EFHD1: variants seen among roughly 807,000 people sequenced by gnomAD.
EFHD1 encodes the protein EF-hand domain-containing protein D1.
A neutral mutation model predicts 17.2 loss-of-function variants in EFHD1; 10 were observed. That is an observed-to-expected ratio of 0.58 (90% CI 0.36 to 0.99). EFHD1 has a LOEUF of 0.99. Ranked by LOEUF, EFHD1 falls within the 50% of genes least tolerant of loss-of-function variation. The pLI, the probability that EFHD1 is intolerant of heterozygous loss-of-function variation, is 0.01. For missense variants in EFHD1, 310 were observed against 327.5 expected (o/e 0.95, Z 0.41); for synonymous variants, 153 against 142.0 (o/e 1.08, Z -0.55).
chr2:232,656,023 G>A (rs1466808299), intron 1 of EFHD1, among the ~76,000 whole-genome samples: 4 of 151,910 alleles, frequency 2.6e-5, no homozygotes, highest in Non-Finnish European at 5.9e-5. Flanking sequence ...AGCCAGGATG[G>A]TCTTGATCTC....
At chr2:232,635,851 G>T (rs556459302) in intron 1 of EFHD1, among the ~76,000 whole-genome samples, 1 of 151,978 alleles carries the variant, frequency 6.6e-6, no homozygotes, top group Non-Finnish European at 1.5e-5. Flanking sequence ...GGGGAAGGCA[G>T]TGTGTGGCCT....
upstream of EFHD1, among the ~76,000 whole-genome samples, chr2:232,631,457 TTTTA>T (rs1164490782): frequency 6.6e-6 from 1 of 151,420 alleles, no homozygotes; most frequent in African/African-American, 2.4e-5. Flanking sequence ...GCTAGTTGTT[TTTTA>T]TTTTATTTTT....
At chr2:232,641,081 C>T (rs1301550223) in intron 1 of EFHD1, among the ~76,000 whole-genome samples, 1 of 152,180 alleles carries the variant, frequency 6.6e-6, no homozygotes, top group Non-Finnish European at 1.5e-5. Context: ...CTCTCTCTGT[C>T]ACCCAGGCTG....
intron 1 of EFHD1, 109 bp from the exon 2 acceptor site, chr2:232,662,693 G>A (rs1288727613): frequency 1.4e-6 from 2 of 1,458,764 alleles, no homozygotes; most frequent in East Asian, 2.6e-5. Context: ...GCCTCGCAGA[G>A]CGGGAGGTAT....
chr2:232,640,128 A>G (rs1004642975), intron 1 of EFHD1, among the ~76,000 whole-genome samples: 1 of 152,222 alleles, frequency 6.6e-6, no homozygotes, highest in Admixed American at 6.5e-5. Context: ...AGCATGGACC[A>G]TGATCCTCCA....
intron 1 of EFHD1, among the ~76,000 whole-genome samples, chr2:232,635,527 C>T (rs532397483): frequency 6.6e-6 from 1 of 152,210 alleles, no homozygotes; most frequent in East Asian, 1.9e-4. Context: ...ACCAGGATCA[C>T]GCAAAGGGGA....
chr2:232,607,223 C>G (rs1398830041), intron 1 of EFHD1, among the ~76,000 whole-genome samples: 1 of 152,022 alleles, frequency 6.6e-6, no homozygotes, highest in Non-Finnish European at 1.5e-5. Flanking sequence ...AGTCGGATCA[C>G]TTGAGCCCAG....
chr2:232,634,898 C>G (rs574621451), intron 1 of EFHD1, among the ~76,000 whole-genome samples: 3 of 152,328 alleles, frequency 2.0e-5, no homozygotes, highest in Non-Finnish European at 4.4e-5. Flanking sequence ...CCTGGGGGAG[C>G]TGAGGCCGCC....
chr2:232,666,224 G>T (rs1033493153), intron 2 of EFHD1, among the ~76,000 whole-genome samples: 6 of 152,206 alleles, frequency 3.9e-5, no homozygotes, highest in African/African-American at 1.4e-4. Flanking sequence ...AGCTTTGCAT[G>T]CCAGAGCCAA....
chr2:232,656,114 G>A (rs1694756848), intron 1 of EFHD1, among the ~76,000 whole-genome samples: 1 of 152,134 alleles, frequency 6.6e-6, no homozygotes, highest in South Asian at 2.1e-4. Context: ...CCTGTGTGGG[G>A]TCTTAAGTCC....
At chr2:232,672,467 A>C in intron 3 of EFHD1, 24 bp downstream of exon 3, 1 of 1,562,486 alleles carries the variant, frequency 6.4e-7, no homozygotes, top group Non-Finnish European at 8.6e-7. Flanking sequence ...TCCTTCTGTG[A>C]GGAGCAACCA....
intron 1 of EFHD1, among the ~76,000 whole-genome samples, chr2:232,617,691 G>A (rs1352968710): frequency 2.8e-5 from 4 of 143,760 alleles, no homozygotes; most frequent in South Asian, 2.2e-4. Context: ...GGCTGGGCAC[G>A]GTGGCTCATG....
intron 1 of EFHD1, among the ~76,000 whole-genome samples, chr2:232,607,352 G>A (rs977149303): frequency 2.0e-5 from 3 of 151,632 alleles, no homozygotes; most frequent in Admixed American, 6.6e-5. Flanking sequence ...TTGGGGGGCC[G>A]AGGCGGGTGG....
Position 232,628,248 on chromosome 2 carries a change from A to T in EFHD1, c.14+22075A>T, listed in dbSNP as rs1694143509. On this transcript the variant is annotated intron_variant, in intron 1 of 3. Coordinates refer to the EFHD1 transcript ENST00000409613. ...GCTAATTTTTGTATGTTTAGTAGAGACGGGGTTTCACCGTGTTGGCCAGGC... is the reference window on the plus strand; with the variant it reads ...GCTAATTTTTGTATGTTTAGTAGAGTCGGGGTTTCACCGTGTTGGCCAGGC... Among the ~76,000 whole-genome samples, 4 of 152,008 alleles carry T rather than the reference A, an allele frequency of 2.6e-5. No homozygotes were observed. In the South Asian group the frequency reaches 8.3e-4, roughly 31 times the overall value.
At chr2:232,608,573 G>A (rs1402021929) in intron 1 of EFHD1, among the ~76,000 whole-genome samples, 2 of 152,172 alleles carry the variant, frequency 1.3e-5, no homozygotes, top group African/African-American at 4.8e-5. Flanking sequence ...GGAATGGGGA[G>A]CCAATTGTAC....
intron 1 of EFHD1, among the ~76,000 whole-genome samples, chr2:232,618,722 CAAAA>C (rs113391241): frequency 7.5e-6 from 1 of 134,180 alleles, no homozygotes; most frequent in Non-Finnish European, 1.6e-5. Flanking sequence ...GACTCTGTCT[CAAAA>C]AAAAAAAAAA....
At chr2:232,613,682 AC>A (rs1374302447) in intron 1 of EFHD1, among the ~76,000 whole-genome samples, 1 of 151,666 alleles carries the variant, frequency 6.6e-6, no homozygotes, top group Middle Eastern at 3.4e-3. Flanking sequence ...AAATATACAC[AC>A]ATACACAAAT....
intron 1 of EFHD1, among the ~76,000 whole-genome samples, chr2:232,641,919 G>A (rs1373650521): frequency 6.6e-6 from 1 of 152,200 alleles, no homozygotes; most frequent in Non-Finnish European, 1.5e-5. Flanking sequence ...ATTAGCACTG[G>A]AGAAGGAGCA....
intron 1 of EFHD1, among the ~76,000 whole-genome samples, chr2:232,650,368 C>T (rs1381780965): frequency 2.0e-5 from 3 of 147,646 alleles, no homozygotes; most frequent in South Asian, 4.3e-4. Context: ...AATCTTGGCT[C>T]ACTGCAATCT....
Sources: gnomAD v4.1 joint callset for allele counts (sites outside exome capture counted in the v4.1 genomes callset) on GRCh38, gnomAD v4.1.1 for gene constraint, MANE v1.5 for transcripts, NCBI Gene and HGNC (gene_info 2026-07-23, HGNC 2026-07-21) for gene names.